Variants in HSPA12A observed in about 807,000 individuals in gnomAD.
HSPA12A encodes heat shock protein family A (Hsp70) member 12A.
Under a neutral mutation model 69.2 loss-of-function variants are expected in HSPA12A, and 28 were observed. The ratio of observed to expected loss-of-function variants is 0.40; its 90% CI spans 0.30 to 0.55. The LOEUF is 0.55. HSPA12A is among the 20% of genes least tolerant of loss of function. The probability of loss-of-function intolerance (pLI) is 0.38; values close to 1 mark genes in which losing one functional copy is unlikely to be tolerated. For synonymous variants in HSPA12A, 345 were observed against 370.5 expected (o/e 0.93, Z 0.79); for missense variants, 686 against 900.7 (o/e 0.76, Z 3.05).
At chr10:116,715,993 C>G (rs1372731621) in intron 1 of HSPA12A, among the ~76,000 whole-genome samples, 2 of 152,208 alleles carry the variant, frequency 1.3e-5, no homozygotes, top group Admixed American at 1.3e-4. Context: ...CACCCACTGG[C>G]CCCCTCGCAG....
At chr10:116,781,621 C>T (rs903995289) in intron 2 of HSPA12A, among the ~76,000 whole-genome samples, 15 of 152,162 alleles carry the variant, frequency 9.9e-5, no homozygotes, top group African/African-American at 3.6e-4. Flanking sequence ...TCTGCCCATC[C>T]GTGGTGTGGT....
chr10:116,796,231 T>C (rs542723144), intron 2 of HSPA12A, among the ~76,000 whole-genome samples: 1 of 152,146 alleles, frequency 6.6e-6, no homozygotes, highest in South Asian at 2.1e-4. Flanking sequence ...AATATATTAC[T>C]TGTATAGCAT....
intron 2 of HSPA12A, among the ~76,000 whole-genome samples, chr10:116,819,545 C>T (rs1177378755): frequency 6.6e-6 from 1 of 152,190 alleles, no homozygotes; most frequent in African/African-American, 2.4e-5. Flanking sequence ...GAAGGCACCA[C>T]CTATGAGGAA....
At chr10:116,681,646 C>T (rs982905735) in intron 8 of HSPA12A, 145 bp downstream of exon 8, 29 of 660,672 alleles carry the variant, frequency 4.4e-5, no homozygotes, top group Non-Finnish European at 7.7e-5. Context: ...TTACAGCTCC[C>T]AAAAGAGCTC....
At chr10:116,784,804 T>C (rs1041914401) in intron 2 of HSPA12A, among the ~76,000 whole-genome samples, 1 of 152,090 alleles carries the variant, frequency 6.6e-6, no homozygotes, top group South Asian at 2.1e-4. Context: ...ATGGGATAAA[T>C]AGAAATCAAC....
chr10:116,762,853 G>A (rs1026238990), intron 2 of HSPA12A, among the ~76,000 whole-genome samples: 1 of 152,186 alleles, frequency 6.6e-6, no homozygotes, highest in Admixed American at 6.5e-5. Flanking sequence ...TGGGATTACA[G>A]GCATGAGCCA....
chr10:116,742,684 G>T, upstream of HSPA12A: 1 of 839,218 alleles, frequency 1.2e-6, no homozygotes, highest in Non-Finnish European at 1.4e-6. Flanking sequence ...GGCCGGCCGG[G>T]AAAGGTCGGG....
chr10:116,816,887 T>C (rs1306484047), intron 2 of HSPA12A, among the ~76,000 whole-genome samples: 1 of 152,160 alleles, frequency 6.6e-6, no homozygotes, highest in Non-Finnish European at 1.5e-5. Flanking sequence ...CTAAGTTTAT[T>C]TTTCTGGTGG....
chr10:116,819,077 C>CT (rs1469197194), intron 2 of HSPA12A, among the ~76,000 whole-genome samples: 1 of 152,136 alleles, frequency 6.6e-6, no homozygotes, highest in Non-Finnish European at 1.5e-5. Context: ...AAGGGAAACC[C>CT]TTGACTTTTC....
intron 2 of HSPA12A, among the ~76,000 whole-genome samples, chr10:116,770,717 GCA>G (rs1844184795): frequency 2.0e-5 from 3 of 152,142 alleles, no homozygotes; most frequent in Non-Finnish European, 4.4e-5. Flanking sequence ...AACCTCCTGT[GCA>G]CTGTTCCCAT....
intron 1 of HSPA12A, among the ~76,000 whole-genome samples, chr10:116,837,636 C>T (rs1845738037): frequency 6.6e-6 from 1 of 151,504 alleles, no homozygotes; most frequent in African/African-American, 2.4e-5. Flanking sequence ...CATTTTTTTT[C>T]CTTAGAATTT....
chr10:116,678,348 CAAAA>C (rs55780024), intron 10 of HSPA12A, among the ~76,000 whole-genome samples: 1 of 59,382 alleles, frequency 1.7e-5, no homozygotes, highest in Non-Finnish European at 2.8e-5. Context: ...TGCCAACTTG[CAAAA>C]AAAAAAAAAA....
intron 1 of HSPA12A, among the ~76,000 whole-genome samples, chr10:116,844,647 T>A (rs760469901): frequency 6.6e-6 from 1 of 152,216 alleles, no homozygotes; most frequent in Non-Finnish European, 1.5e-5. Context: ...TTGTCTCTAG[T>A]TTCTATGATT....
intron 6 of HSPA12A, among the ~76,000 whole-genome samples, chr10:116,689,752 C>G (rs1410052548): frequency 6.6e-6 from 1 of 151,138 alleles, no homozygotes; most frequent in Non-Finnish European, 1.5e-5. Flanking sequence ...TTGGCAGGCT[C>G]GAGACCCTGG....
At position 116,698,769 on chromosome 10, in the gene HSPA12A, A is replaced by C. The variant is rs782178901; in HGVS notation, c.442-30T>G. The C allele has an allele frequency of 8.4e-6, 13 of 1,539,540 alleles. No individual in the cohort carries two copies. In the East Asian group the frequency reaches 2.9e-4, roughly 35 times the overall value. ...TAGGAGGAAGAGGAACAATAGTAAG[A>C]AGATGACACAGGAGAAACATGTCTC... On this transcript the variant is annotated intron_variant, in intron 4 of 11. Coordinates refer to ENST00000369209, the MANE Select transcript of HSPA12A (RefSeq NM_025015.3).
chr10:116,805,313 C>T (rs890792000), intron 2 of HSPA12A, among the ~76,000 whole-genome samples: 2 of 151,754 alleles, frequency 1.3e-5, no homozygotes, highest in East Asian at 1.9e-4. Flanking sequence ...GAGACTCCAT[C>T]GCAAAAAAAC....
At chr10:116,767,023 G>T (rs576185096) in intron 2 of HSPA12A, among the ~76,000 whole-genome samples, 1 of 152,264 alleles carries the variant, frequency 6.6e-6, no homozygotes, top group East Asian at 1.9e-4. Context: ...GCCTGCTGGG[G>T]TCTGCCCCTG....
intron 6 of HSPA12A, among the ~76,000 whole-genome samples, chr10:116,688,207 T>C (rs1849633407): frequency 6.6e-6 from 1 of 152,156 alleles, no homozygotes; most frequent in African/African-American, 2.4e-5. Context: ...CAGTAGGTGT[T>C]CAGGAGGTAG....
intron 1 of HSPA12A, among the ~76,000 whole-genome samples, chr10:116,712,208 T>A (rs1005243841): frequency 6.6e-5 from 10 of 152,234 alleles, no homozygotes; most frequent in Non-Finnish European, 1.5e-4. Context: ...AAAATCTTTT[T>A]TAACTTTAGT....
Sources: allele counts gnomAD v4.1 joint callset (sites outside exome capture counted in the v4.1 genomes callset), GRCh38; gene constraint gnomAD v4.1.1; transcripts MANE v1.5; gene names NCBI Gene and HGNC (gene_info 2026-07-23, HGNC 2026-07-21).